Variants in PCCB observed in about 807,000 individuals in gnomAD.
PCCB encodes propionyl-CoA carboxylase beta chain, mitochondrial.
PCCB carries 43 observed loss-of-function variants against 60.7 expected under a neutral mutation model. The ratio of observed to expected loss-of-function variants is 0.71; its 90% CI spans 0.55 to 0.91. PCCB has a LOEUF of 0.91. PCCB is among the 40% of genes least tolerant of loss of function. PCCB has a pLI of 0.00. For missense variants in PCCB, 766 were observed against 702.8 expected (o/e 1.09, Z -1.02); for synonymous variants, 276 against 255.9 (o/e 1.08, Z -0.75).
chr3:136,256,290 G>A (rs1941669319), intron 2 of PCCB: 3 of 573,004 alleles, frequency 5.2e-6, no homozygotes, highest in Non-Finnish European at 9.3e-6. Context: ...GAGAAGTGGT[G>A]GCCCTGGGTC....
intron 1 of PCCB, among the ~76,000 whole-genome samples, chr3:136,255,101 C>G (rs764859536): frequency 7.9e-5 from 12 of 152,022 alleles, no homozygotes; most frequent in Non-Finnish European, 4.4e-5. Context: ...GTCTCGATCT[C>G]CTGACCTTGT....
At chr3:136,327,582 A>T in intron 12 of PCCB, 52 bp from the exon 13 acceptor site, 1 of 1,376,742 alleles carries the variant, frequency 7.3e-7, no homozygotes. Context: ...TCTTTCAGGG[A>T]CATGATCTGG....
rs768882976 is a variant in PCCB, at chr3:136,327,206, A to G, written c.1250A>G (p.Tyr417Cys). 6.2e-7 allele frequency: 1 copy of G among 1,614,178 alleles called. No homozygotes were observed. Among genetic ancestry groups the G allele is most frequent in the Non-Finnish European group, 8.5e-7 (1 of 1,180,012 alleles). Residue 417 changes from tyrosine to cysteine, a missense_variant, in exon 12 of 15, where the codon TAC (tyrosine) becomes TGC (cysteine). Coordinates refer to ENST00000251654, the MANE Select transcript of PCCB (RefSeq NM_000532.5). Reference protein sequence around the residue: ...GIIRHGAKLLYAFAEATVPKV... With the variant: ...GIIRHGAKLLCAFAEATVPKV... ...ATCCGGCATGGTGCCAAGCTTCTCT[A>G]CGCATTTGCTGAGGCAACTGTACCC...
At chr3:136,254,753 A>G (rs1315051984) in intron 1 of PCCB, among the ~76,000 whole-genome samples, 1 of 147,096 alleles carries the variant, frequency 6.8e-6, no homozygotes, top group Non-Finnish European at 1.5e-5. Context: ...AGCTGGTCTC[A>G]AACTCCTGGG....
chr3:136,251,147 A>T, intron 1 of PCCB: 2 of 449,546 alleles, frequency 4.4e-6, no homozygotes, highest in Non-Finnish European at 9.0e-6. Flanking sequence ...CACGTGTCGG[A>T]AGCAGGTGGC....
At chr3:136,259,224 TG>T in intron 3 of PCCB, 1 of 1,270,626 alleles carries the variant, frequency 7.9e-7, no homozygotes, top group South Asian at 1.9e-5. Flanking sequence ...CTCAGCACTT[TG>T]GGAGGCCGAG....
chr3:136,295,225 A>G (rs1426750754), intron 7 of PCCB, among the ~76,000 whole-genome samples: 1 of 152,226 alleles, frequency 6.6e-6, no homozygotes. Context: ...TGATTTATGC[A>G]CCTCATTGTA....
intron 6 of PCCB, among the ~76,000 whole-genome samples, chr3:136,292,391 A>C (rs1455644867): frequency 6.6e-6 from 1 of 152,198 alleles, no homozygotes; most frequent in Non-Finnish European, 1.5e-5. Context: ...CATATGATAG[A>C]CTAAGGACTA....
chr3:136,267,925 T>G (rs1315628712), intron 5 of PCCB, among the ~76,000 whole-genome samples: 1 of 149,518 alleles, frequency 6.7e-6, no homozygotes, highest in East Asian at 1.9e-4. Flanking sequence ...TTCATGGAGT[T>G]TTTTTTGTAG....
chr3:136,254,745 C>T (rs1451016281), intron 1 of PCCB, among the ~76,000 whole-genome samples: 1 of 150,330 alleles, frequency 6.7e-6, no homozygotes, highest in African/African-American at 2.5e-5. Flanking sequence ...TGTTGTCCAG[C>T]TGGTCTCAAA....
chr3:136,299,085 GT>G (rs1319839372), intron 8 of PCCB, among the ~76,000 whole-genome samples: 1 of 152,078 alleles, frequency 6.6e-6, no homozygotes, highest in Non-Finnish European at 1.5e-5. Context: ...TTCCTGAAGG[GT>G]TTAGGACATC....
At chr3:136,283,125 C>T (rs1384404978) in intron 5 of PCCB, among the ~76,000 whole-genome samples, 1 of 152,110 alleles carries the variant, frequency 6.6e-6, no homozygotes, top group Admixed American at 6.5e-5. Flanking sequence ...AAAAGTGAAC[C>T]TACTTTTCCT....
intron 9 of PCCB, among the ~76,000 whole-genome samples, chr3:136,307,783 C>T (rs1934499093): frequency 1.3e-5 from 2 of 151,892 alleles, no homozygotes; most frequent in South Asian, 2.1e-4. Flanking sequence ...TGAGACCAGC[C>T]TGACCAACAT....
rs142992280 is a variant in PCCB at position 136,289,227 on chromosome 3, G to T, written c.655-4529G>T. Among the ~76,000 whole-genome samples, 230 of 152,198 alleles carry T rather than the reference G, an allele frequency of 1.5e-3. 2 individuals carry two copies. The highest frequency in any genetic ancestry group is 8.3e-4 in the South Asian group (4 of 4,816). Reference sequence around the variant, plus strand: ...GCTGGATCTGTCCACTTTTGATAGAGGAGTGTTAAGATCTTCAACTGTAAT... The same window carrying T: ...GCTGGATCTGTCCACTTTTGATAGATGAGTGTTAAGATCTTCAACTGTAAT... On this transcript the variant is annotated intron_variant, in intron 6 of 14. Coordinates refer to ENST00000251654, the MANE Select transcript of PCCB (RefSeq NM_000532.5).
At chr3:136,267,493 C>A (rs1210351602) in intron 5 of PCCB, among the ~76,000 whole-genome samples, 2 of 151,084 alleles carry the variant, frequency 1.3e-5, no homozygotes, top group Admixed American at 1.3e-4. Flanking sequence ...CCTGTGGTGG[C>A]TTTTTTTTTG....
chr3:136,284,022 G>A, intron 6 of PCCB, 75 bp downstream of exon 6: 1 of 926,718 alleles, frequency 1.1e-6, no homozygotes, highest in South Asian at 1.3e-5. Context: ...AATAATTCCT[G>A]ACCCAGATCT....
chr3:136,329,903 AG>A lies in PCCB; in HGVS notation c.1500del. The A allele has an allele frequency of 1.2e-6, 2 of 1,614,134 alleles. No homozygotes were observed. Among genetic ancestry groups the A allele is most frequent in the Non-Finnish European group, 1.7e-6 (2 of 1,179,968 alleles). ...TCCACTCCCTTTTCTGTGCTTCACC[AG>A]GGTTTGTGGATGACATCATCCAACC... On this transcript the variant is annotated splice_acceptor_variant, in intron 14 of 14. Transcript: ENST00000251654. LOFTEE classifies it high-confidence loss of function.
At position 136,264,440 on chromosome 3, in the gene PCCB, G is replaced by GTGTATATATATA; in HGVS notation, c.543+2376_543+2377insGTATATATATAT. Among the ~76,000 whole-genome samples, 201 of 123,558 alleles carry GTGTATATATATA rather than the reference G, an allele frequency of 1.6e-3. 8 individuals are homozygous for GTGTATATATATA. Among genetic ancestry groups the GTGTATATATATA allele is most frequent in the Middle Eastern group, 4.1e-3 (1 of 244 alleles). The allele number at this position is 123,558 out of a possible 152,430, so 81.1% of individuals were successfully genotyped here. Reference sequence around the variant, plus strand: ...CTGTCTCTCATATATATGTGTGTGTGTATATATGTATATATATATATGTTC... The same window carrying GTGTATATATATA: ...CTGTCTCTCATATATATGTGTGTGTGTGTATATATATATATATATGTATATATATATATGTTC... On this transcript the variant is annotated intron_variant, in intron 5 of 14. Coordinates refer to ENST00000251654, the MANE Select transcript of PCCB (RefSeq NM_000532.5).
chr3:136,322,856 A>C (rs1249926847), intron 10 of PCCB, among the ~76,000 whole-genome samples: 5 of 152,228 alleles, frequency 3.3e-5, no homozygotes, highest in East Asian at 1.9e-4. Flanking sequence ...TTTTTGAAGG[A>C]CAGTTTGCCA....
Sources: allele counts gnomAD v4.1 joint callset (sites outside exome capture counted in the v4.1 genomes callset), GRCh38; gene constraint gnomAD v4.1.1; transcripts MANE v1.5; gene names NCBI Gene and HGNC (gene_info 2026-07-23, HGNC 2026-07-21).